LY6L: variants seen among roughly 807,000 people sequenced by gnomAD.
The protein encoded by LY6L is lymphocyte antigen 6L.
A neutral mutation model predicts 8.3 loss-of-function variants in LY6L; 8 were observed. That is an observed-to-expected ratio of 0.97 (90% CI 0.57 to 1.74). LY6L has a LOEUF of 1.74. Ranked by LOEUF, LY6L falls within the 40% of genes most tolerant of loss-of-function variation. The pLI, the probability that LY6L is intolerant of heterozygous loss-of-function variation, is 0.00. For synonymous variants in LY6L, 79 were observed against 77.9 expected (o/e 1.01, Z -0.07); for missense variants, 156 against 183.8 (o/e 0.85, Z 0.87).
intron 3 of LY6L, 55 bp from the exon 4 acceptor site, chr8:143,082,370 G>A: frequency 7.7e-7 from 1 of 1,304,612 alleles, no homozygotes; most frequent in Admixed American, 2.0e-5. Flanking sequence ...CCGCATAACT[G>A]TGGATACCTC....
At chr8:143,080,906 C>G (rs1336121077) in intron 1 of LY6L, 130 bp from the exon 2 acceptor site, 1 of 655,640 alleles carries the variant, frequency 1.5e-6, no homozygotes, top group Non-Finnish European at 2.5e-6. Flanking sequence ...GGTGAAGCCG[C>G]GTCCGGGAGC....
At chr8:143,080,768 G>A in intron 1 of LY6L, 109 bp downstream of exon 1, 1 of 437,646 alleles carries the variant, frequency 2.3e-6, no homozygotes, top group Non-Finnish European at 4.0e-6. Context: ...CAAAGGCAGA[G>A]GGCCCAGGGA....
intron 3 of LY6L, among the ~76,000 whole-genome samples, chr8:143,082,039 A>G (rs1175891370): frequency 2.0e-5 from 3 of 152,204 alleles, no homozygotes; most frequent in Non-Finnish European, 4.4e-5. Context: ...CCAGCCCAGC[A>G]GGTTCTCCGT....
At position 143,082,744 on chromosome 8, in the gene LY6L, G is replaced by A. The variant is rs946552498; in HGVS notation, c.*93G>A. 8.1e-6 allele frequency: 8 copies of A among 992,850 alleles called. No individual in the cohort carries two copies. The highest frequency in any genetic ancestry group is 4.1e-5 in the South Asian group (2 of 49,348). 61.5% of individuals were successfully genotyped at this position (992,850 alleles called of 1,614,324 possible). The stretch of plus-strand genomic sequence containing the variant: ...CTGCCTCCGCCCCTTCCAGGACACT[G>A]GGGGGGGACCCTCCCTCTCTGAGGT... On this transcript the variant is annotated 3_prime_UTR_variant, in exon 4 of 4. Transcript: ENST00000562505.
chr8:143,081,839 A>G (rs1820435894), intron 3 of LY6L, among the ~76,000 whole-genome samples: 1 of 152,238 alleles, frequency 6.6e-6, no homozygotes, highest in Admixed American at 6.5e-5. Flanking sequence ...AGAATGCAAC[A>G]CAACACACCG....
chr8:143,082,723 C>T lies in LY6L; in HGVS notation c.*72C>T. 1 of 1,235,776 alleles carries T rather than the reference C, an allele frequency of 8.1e-7. No individual in the cohort carries two copies. The highest frequency in any genetic ancestry group is 1.1e-6 in the Non-Finnish European group (1 of 921,226). The allele number at this position is 1,235,776 out of a possible 1,614,324, so 76.6% of individuals were successfully genotyped here. On this transcript the variant is annotated 3_prime_UTR_variant, in exon 4 of 4. Transcript: ENST00000562505. The stretch of plus-strand genomic sequence containing the variant: ...CTCCTGCCTCCAACTGCCATCCTGC[C>T]TCCGCCCCTTCCAGGACACTGGGGG...
chr8:143,080,856 A>G (rs895259863), intron 1 of LY6L, among the ~76,000 whole-genome samples, 180 bp from the exon 2 acceptor site: 1 of 151,436 alleles, frequency 6.6e-6, no homozygotes, highest in East Asian at 2.0e-4. Flanking sequence ...GGTGAAGCCC[A>G]GTCCAGGAGC....
At chr8:143,082,355 A>G in intron 3 of LY6L, 70 bp from the exon 4 acceptor site, 2 of 1,143,704 alleles carry the variant, frequency 1.7e-6, no homozygotes, top group Non-Finnish European at 2.5e-6. Flanking sequence ...GCATCCTTGC[A>G]CTTTCCGCAT....
chr8:143,082,733 TC>T lies in LY6L; in HGVS notation c.*84del. 8.9e-7 allele frequency: 1 copy of T among 1,119,078 alleles called. No homozygotes were observed. The highest frequency in any genetic ancestry group is 1.2e-6 in the Non-Finnish European group (1 of 819,138). The allele number at this position is 1,119,078 out of a possible 1,614,324, so 69.3% of individuals were successfully genotyped here. A position where few individuals can be genotyped will look rare whatever the true frequency, so the allele number is the denominator to read the frequency against. On this transcript the variant is annotated 3_prime_UTR_variant, in exon 4 of 4. Transcript: ENST00000562505. ...CAACTGCCATCCTGCCTCCGCCCCTTCCAGGACACTGGGGGGGGACCCTCCC... is the reference window on the plus strand; with the variant it reads ...CAACTGCCATCCTGCCTCCGCCCCTTCAGGACACTGGGGGGGGACCCTCCC...
At chr8:143,080,985 AG>A (rs2130539909) in intron 1 of LY6L, 50 bp from the exon 2 acceptor site, 1 of 1,329,886 alleles carries the variant, frequency 7.5e-7, no homozygotes, top group South Asian at 1.3e-5. Flanking sequence ...GAAGCTGGGG[AG>A]GGGGCTCTCT....
At position 143,081,307 on chromosome 8, in the gene LY6L, A is replaced by G. The variant is rs1283428701; in HGVS notation, c.170A>G (p.Asn57Ser). The change falls in exon 3 of 4, where the codon AAC becomes AGC. Residue 57 changes from asparagine to serine, a missense_variant. By Grantham distance (46) the Asn-to-Ser change is conservative. Transcript: ENST00000562505. ...CCGCTGGACCAAGTCTGCATCTCCA[A>G]CGAGGTGGTCGTCTCTTTTAGTGAG... The part of the protein sequence containing the change: ...CSPLDQVCIS[N>S]EVVVSFKWSV... The G allele has an allele frequency of 6.5e-6, 10 of 1,530,814 alleles. No individual in the cohort carries two copies. The highest frequency in any genetic ancestry group is 1.4e-5 in the African/African-American group (1 of 72,888). The allele number at this position is 1,530,814 out of a possible 1,614,324, so 94.8% of individuals were successfully genotyped here.
intron 3 of LY6L, among the ~76,000 whole-genome samples, chr8:143,082,185 T>C (rs1423281810): frequency 2.6e-5 from 4 of 152,188 alleles, no homozygotes; most frequent in Admixed American, 2.6e-4. Flanking sequence ...CTGGAGTCTG[T>C]ATTTGCTGTG....
In LY6L at chr8:143,082,433, G is replaced by A; in HGVS notation, c.199G>A (p.Val67Ile). Reference protein sequence around the residue: ...NEVVVSFKWSVRVLLSKRCAP... With the variant: ...NEVVVSFKWSIRVLLSKRCAP... ...TCTCCTCTTTTCTGCAGAATGGAGT[G>A]TACGCGTCCTGCTCAGCAAACGCTG... The change falls in exon 4 of 4, where the codon GTA (valine) becomes ATA (isoleucine). Residue 67 changes from valine to isoleucine, a missense_variant. Coordinates refer to ENST00000562505, the MANE Select transcript of LY6L (RefSeq NM_001368160.2). 2.0e-6 allele frequency: 3 copies of A among 1,534,896 alleles called. No homozygotes were observed. The highest frequency in any genetic ancestry group is 2.6e-6 in the Non-Finnish European group (3 of 1,146,238).
Position 143,082,503 on chromosome 8 carries a change from C to T in LY6L, c.269C>T (p.Pro90Leu), listed in dbSNP as rs574926818. Residue 90 changes from proline (P) to leucine (L), a missense_variant, in exon 4 of 4, where the codon CCG becomes CTG. Physicochemically the swap from Pro to Leu is moderately conservative, Grantham distance 98. Transcript: ENST00000562505. ...PNDNMKFEWS[P>L]APMVQGVITR... ...GACAACATGAAGTTCGAATGGTCGCCGGCCCCCATGGTGCAAGGCGTGATC... is the reference window on the plus strand; with the variant it reads ...GACAACATGAAGTTCGAATGGTCGCTGGCCCCCATGGTGCAAGGCGTGATC... 69 of 1,535,502 alleles carry T rather than the reference C, an allele frequency of 4.5e-5. No individual in the cohort carries two copies. Among genetic ancestry groups the T allele is most frequent in the Non-Finnish European group, 5.7e-5 (65 of 1,146,714 alleles).
intron 1 of LY6L, 40 bp from the exon 2 acceptor site, chr8:143,080,996 T>C: frequency 7.0e-7 from 1 of 1,436,388 alleles, no homozygotes; most frequent in Non-Finnish European, 9.4e-7. Context: ...GGGGGCTCTC[T>C]GGGTGAAGCC....
At position 143,082,744 on chromosome 8, in the gene LY6L, G is replaced by T. The variant is rs946552498; in HGVS notation, c.*93G>T. On this transcript the variant is annotated 3_prime_UTR_variant, in exon 4 of 4. Transcript: ENST00000562505. The stretch of plus-strand genomic sequence containing the variant: ...CTGCCTCCGCCCCTTCCAGGACACT[G>T]GGGGGGGACCCTCCCTCTCTGAGGT... 12 of 992,850 alleles carry T rather than the reference G, an allele frequency of 1.2e-5. No homozygotes were observed. In the South Asian group the frequency reaches 1.6e-4, roughly 13 times the overall value. 61.5% of individuals were successfully genotyped at this position (992,850 alleles called of 1,614,324 possible). A position where few individuals can be genotyped will look rare whatever the true frequency, so the allele number is the denominator to read the frequency against.
chr8:143,082,714 C>T lies in LY6L; in HGVS notation c.*63C>T. On this transcript the variant is annotated 3_prime_UTR_variant, in exon 4 of 4. Transcript: ENST00000562505. ...CCATCCCGTCTCCTGCCTCCAACTG[C>T]CATCCTGCCTCCGCCCCTTCCAGGA... 1 of 1,284,426 alleles carries T rather than the reference C, an allele frequency of 7.8e-7. No homozygotes were observed. The highest frequency in any genetic ancestry group is 1.0e-6 in the Non-Finnish European group (1 of 964,430). The allele number at this position is 1,284,426 out of a possible 1,614,324, so 79.6% of individuals were successfully genotyped here.
At position 143,082,501 on chromosome 8, in the gene LY6L, G is replaced by A. The variant is rs984818252; in HGVS notation, c.267G>A (p.Ser89=). The A allele has an allele frequency of 2.1e-5, 33 of 1,535,348 alleles. No homozygotes were observed. Among genetic ancestry groups the A allele is most frequent in the African/African-American group, 8.2e-5 (6 of 73,040 alleles). The change falls in exon 4 of 4, where the codon TCG becomes TCA. Residue 89 remains serine, a synonymous_variant. Transcript: ENST00000562505. ...ACGACAACATGAAGTTCGAATGGTC[G>A]CCGGCCCCCATGGTGCAAGGCGTGA... The part of the protein sequence containing the change: ...CPNDNMKFEW[S]PAPMVQGVIT...
In LY6L at chr8:143,081,140, C is replaced by G. The variant is rs541204237; in HGVS notation, c.73+14C>G. Reference sequence around the variant, plus strand: ...CCACGACGCCAGGTAAGGCGCGGCCCGGGCTGGGCTGGGGGCGTCGGGGCT... The same window carrying G: ...CCACGACGCCAGGTAAGGCGCGGCCGGGGCTGGGCTGGGGGCGTCGGGGCT... On this transcript the variant is annotated intron_variant, in intron 2 of 3. Transcript: ENST00000562505. 857 of 1,533,696 alleles carry G rather than the reference C, an allele frequency of 5.6e-4. 2 individuals carry two copies. The African/African-American group carries it at 7.1e-3, about 13-fold the overall frequency.
Sources: gnomAD v4.1 joint callset for allele counts (sites outside exome capture counted in the v4.1 genomes callset) on GRCh38, gnomAD v4.1.1 for gene constraint, MANE v1.5 for transcripts, NCBI Gene and HGNC (gene_info 2026-07-23, HGNC 2026-07-21) for gene names.